DUS2: variants seen among roughly 807,000 people sequenced by gnomAD.
DUS2 encodes tRNA-dihydrouridine(20) synthase [NAD(P)+]-like.
DUS2 carries 52 observed loss-of-function variants against 71.3 expected under a neutral mutation model. The ratio of observed to expected loss-of-function variants is 0.73; its 90% CI spans 0.58 to 0.92. The LOEUF is 0.92. Among genes scored for constraint, DUS2 ranks in the 40% least tolerant of loss-of-function variants. DUS2 has a pLI of 0.00. For missense variants in DUS2, 558 were observed against 622.6 expected (o/e 0.90, Z 1.10); for synonymous variants, 204 against 227.8 (o/e 0.90, Z 0.94).
chr16:68,060,938 G>A (rs537522718), intron 7 of DUS2, 128 bp from the exon 8 acceptor site: 12 of 744,964 alleles, frequency 1.6e-5, no homozygotes, highest in East Asian at 2.5e-5. Flanking sequence ...AAGAAGTGCC[G>A]GTTGCCAGTG....
intron 14 of DUS2, among the ~76,000 whole-genome samples, chr16:68,075,883 CA>C (rs2034149481): frequency 6.6e-6 from 1 of 152,168 alleles, no homozygotes; most frequent in African/African-American, 2.4e-5. Context: ...AGCCCCTACC[CA>C]CACCCAGTGC....
intron 4 of DUS2, 80 bp downstream of exon 4, chr16:68,049,630 G>T: frequency 7.4e-7 from 1 of 1,350,958 alleles, no homozygotes; most frequent in South Asian, 1.2e-5. Flanking sequence ...TGCCTGGGGT[G>T]ACAGTGTCTT....
At chr16:68,050,393 C>T (rs2033762375) in intron 4 of DUS2, among the ~76,000 whole-genome samples, 1 of 152,118 alleles carries the variant, frequency 6.6e-6, no homozygotes. Context: ...GCCTTGGCCT[C>T]CCAAAGTGCT....
chr16:68,033,729 T>G (rs916610393), intron 2 of DUS2, among the ~76,000 whole-genome samples: 2 of 150,150 alleles, frequency 1.3e-5, no homozygotes, highest in Non-Finnish European at 3.0e-5. Context: ...TCTCCTGGGT[T>G]CAAGTGATTC....
chr16:68,027,750 C>T (rs1248692541), intron 2 of DUS2, among the ~76,000 whole-genome samples: 1 of 152,150 alleles, frequency 6.6e-6, no homozygotes, highest in Non-Finnish European at 1.5e-5. Context: ...ATGCCTTTAC[C>T]CTGTTTTGGG....
chr16:68,052,318 G>A (rs1443638181), intron 4 of DUS2, among the ~76,000 whole-genome samples: 1 of 152,112 alleles, frequency 6.6e-6, no homozygotes, highest in African/African-American at 2.4e-5. Flanking sequence ...GAGCTGAAGG[G>A]AGAAGACAGA....
chr16:68,053,641 G>A lies in DUS2; in HGVS notation c.250G>A (p.Val84Met). 6.2e-7 allele frequency: 1 copy of A among 1,614,212 alleles called. No individual in the cohort carries two copies. Among genetic ancestry groups the A allele is most frequent in the Non-Finnish European group, 8.5e-7 (1 of 1,180,028 alleles). ...FRTCEREQNR[V>M]VFQMGTSDAE... ...CACCTGTGAAAGAGAGCAGAACAGG[G>A]TGGTCTTCCAGATGGTGAGAGACTC... is the stretch of plus-strand genomic sequence containing the variant. The change falls in exon 5 of 17, where the codon GTG becomes ATG. Residue 84 changes from valine (V) to methionine (M), a missense_variant. Transcript: ENST00000565263.
intron 13 of DUS2, among the ~76,000 whole-genome samples, chr16:68,074,999 C>T (rs900036911): frequency 1.3e-5 from 2 of 152,194 alleles, no homozygotes; most frequent in African/African-American, 4.8e-5. Context: ...TCTCTTCCTC[C>T]CATGGGCCCA....
chr16:68,046,965 T>A (rs1213561171), intron 3 of DUS2, among the ~76,000 whole-genome samples: 2 of 151,974 alleles, frequency 1.3e-5, no homozygotes. Flanking sequence ...TTAGCCAGGA[T>A]GGTCTTGATC....
chr16:68,034,515 G>C (rs1298160834), intron 2 of DUS2, among the ~76,000 whole-genome samples: 1 of 152,016 alleles, frequency 6.6e-6, no homozygotes, highest in Non-Finnish European at 1.5e-5. Flanking sequence ...ACCACCCCCA[G>C]CTAATTTTAT....
chr16:68,045,626 C>T (rs370838993), intron 3 of DUS2, among the ~76,000 whole-genome samples: 1 of 149,858 alleles, frequency 6.7e-6, no homozygotes, highest in South Asian at 2.1e-4. Context: ...AAAAAAAAAA[C>T]ATCATCTGCA....
intron 1 of DUS2, chr16:68,023,636 T>C: frequency 5.4e-6 from 1 of 183,982 alleles, no homozygotes; most frequent in Non-Finnish European, 1.3e-5. Flanking sequence ...CCGTGTTTAT[T>C]GAGAGTTTGA....
intron 12 of DUS2, 65 bp from the exon 13 acceptor site, chr16:68,073,969 C>T: frequency 6.3e-7 from 1 of 1,595,478 alleles, no homozygotes; most frequent in Non-Finnish European, 8.6e-7. Flanking sequence ...CCTTTCCCTG[C>T]CATCAGAGCA....
chr16:68,046,772 A>T (rs1276075072), intron 3 of DUS2, among the ~76,000 whole-genome samples: 1 of 151,086 alleles, frequency 6.6e-6, no homozygotes, highest in Non-Finnish European at 1.5e-5. Flanking sequence ...TTTGAGACGA[A>T]GTCTTGCTCT....
intron 2 of DUS2, among the ~76,000 whole-genome samples, chr16:68,033,010 G>C (rs943551120): frequency 1.3e-5 from 2 of 152,102 alleles, no homozygotes; most frequent in Non-Finnish European, 2.9e-5. Context: ...GGTGGGTAGG[G>C]ACTGATCATG....
chr16:68,077,925 C>T, intron 15 of DUS2: 1 of 140,002 alleles, frequency 7.1e-6, no homozygotes, highest in Non-Finnish European at 1.5e-5. Context: ...AGTGACTTTT[C>T]CAGAACAAAT....
chr16:68,055,958 G>A (rs371053894), intron 6 of DUS2, among the ~76,000 whole-genome samples: 2 of 152,092 alleles, frequency 1.3e-5, no homozygotes, highest in African/African-American at 4.8e-5. Flanking sequence ...GCCAACAAAG[G>A]CAGTGCTAGA....
At chr16:68,024,723 A>G (rs1178060593) in intron 1 of DUS2, among the ~76,000 whole-genome samples, 2 of 152,048 alleles carry the variant, frequency 1.3e-5, no homozygotes, top group Admixed American at 1.3e-4. Context: ...AGGAAGAGAA[A>G]GTTTTGAGTA....
chr16:68,073,973 CAG>C (rs2034121748), intron 12 of DUS2, 59 bp from the exon 13 acceptor site: 5 of 1,601,224 alleles, frequency 3.1e-6, no homozygotes, highest in Non-Finnish European at 4.3e-6. Flanking sequence ...TCCCTGCCAT[CAG>C]AGCATAGCCC....
Sources: allele counts gnomAD v4.1 joint callset (sites outside exome capture counted in the v4.1 genomes callset), GRCh38; gene constraint gnomAD v4.1.1; transcripts MANE v1.5; gene names NCBI Gene and HGNC (gene_info 2026-07-23, HGNC 2026-07-21).